Variants in PPM1G observed in about 807,000 individuals in gnomAD.
PPM1G encodes the protein protein phosphatase, Mg2+/Mn2+ dependent 1G.
PPM1G carries 12 observed loss-of-function variants against 59.4 expected under a neutral mutation model. The ratio of observed to expected loss-of-function variants is 0.20; its 90% CI spans 0.13 to 0.33. The LOEUF (loss-of-function observed/expected upper bound fraction) is 0.33. Ranked by LOEUF, PPM1G falls within the 10% of genes least tolerant of loss-of-function variation. The pLI is 1.00. For synonymous variants in PPM1G, 245 were observed against 251.9 expected (o/e 0.97, Z 0.26); for missense variants, 392 against 681.3 (o/e 0.58, Z 4.73).
intron 1 of PPM1G, among the ~76,000 whole-genome samples, chr2:27,398,562 G>A (rs1005647357): frequency 3.3e-5 from 5 of 152,178 alleles, no homozygotes; most frequent in African/African-American, 7.2e-5. Context: ...GGTGGCTCAC[G>A]TCTGTAATCC....
rs967961347 is a variant in PPM1G at position 27,409,449 on chromosome 2, T to C, written c.-27A>G. ...GCGGCGGCTGGCCGGCGGCCTCAGGTGCAGGAAAGCTGGGCGCGACCCGTG... is the reference window on the plus strand; with the variant it reads ...GCGGCGGCTGGCCGGCGGCCTCAGGCGCAGGAAAGCTGGGCGCGACCCGTG... On this transcript the variant is annotated 5_prime_UTR_variant, in exon 1 of 10. Coordinates refer to ENST00000344034, the MANE Select transcript of PPM1G (RefSeq NM_177983.3). 2 of 1,488,942 alleles carry C rather than the reference T, an allele frequency of 1.3e-6. No individual in the cohort carries two copies. The highest frequency in any genetic ancestry group is 2.4e-5 in the Admixed American group (1 of 42,356). 92.2% of individuals were successfully genotyped at this position (1,488,942 alleles called of 1,614,324 possible). A position where few individuals can be genotyped will look rare whatever the true frequency, so the allele number is the denominator to read the frequency against.
intron 1 of PPM1G, chr2:27,392,951 G>A: frequency 6.7e-7 from 1 of 1,493,624 alleles, no homozygotes. Context: ...TCACACAAAT[G>A]GGGGTCATTT....
chr2:27,396,635 A>C (rs1237034525), intron 1 of PPM1G, among the ~76,000 whole-genome samples: 1 of 151,714 alleles, frequency 6.6e-6, no homozygotes, highest in Non-Finnish European at 1.5e-5. Flanking sequence ...GTCAACATGG[A>C]GAAACCCCGT....
chr2:27,403,067 C>T (rs1415260485), intron 1 of PPM1G, among the ~76,000 whole-genome samples: 3 of 151,872 alleles, frequency 2.0e-5, no homozygotes, highest in Non-Finnish European at 2.9e-5. Context: ...GTGAAGGAAC[C>T]GGCACAAGAA....
chr2:27,387,058 G>T, intron 2 of PPM1G, 31 bp downstream of exon 2: 1 of 1,556,254 alleles, frequency 6.4e-7, no homozygotes, highest in Non-Finnish European at 8.9e-7. Flanking sequence ...TGGGGTCCTA[G>T]AATGTTACCA....
chr2:27,405,559 G>C (rs1171709456), intron 1 of PPM1G, among the ~76,000 whole-genome samples: 6 of 151,360 alleles, frequency 4.0e-5, no homozygotes, highest in Admixed American at 2.6e-4. Flanking sequence ...CTGGCCTCTG[G>C]CTAATTTTTG....
Position 27,383,581 on chromosome 2 carries a change from G to A in PPM1G, c.986C>T (p.Thr329Ile). The change falls in exon 7 of 10, where the codon ACA becomes ATA. Residue 329 changes from threonine to isoleucine, a missense_variant. Coordinates refer to ENST00000344034, the MANE Select transcript of PPM1G (RefSeq NM_177983.3). The surrounding 1 kb of genome is among the most constrained non-coding windows in gnomAD (Gnocchi z 5.0). ...TCGTATCAGGGCCACCACCGCTGTT[G>A]TACCACTGTCAGAGCCAGGCTTAAG... ...GKEEPGSDSG[T>I]TAVVALIRGK... The A allele has an allele frequency of 6.2e-7, 1 of 1,613,626 alleles. No individual in the cohort carries two copies. Among genetic ancestry groups the A allele is most frequent in the Non-Finnish European group, 8.5e-7 (1 of 1,179,768 alleles).
At chr2:27,389,229 T>A (rs1350082142) in intron 1 of PPM1G, among the ~76,000 whole-genome samples, 2 of 152,178 alleles carry the variant, frequency 1.3e-5, no homozygotes, top group Non-Finnish European at 2.9e-5. Flanking sequence ...TGGAATTTGC[T>A]ACATAAAAAT....
chr2:27,382,951 G>A lies in PPM1G; in HGVS notation c.1202-346C>T, dbSNP rs1683673586. On this transcript the variant is annotated intron_variant, in intron 7 of 9. Transcript: ENST00000344034. The surrounding 1 kb of genome is among the most constrained non-coding windows in gnomAD (Gnocchi z 4.2). ...AGCGGTTCTCCTGCCTCAGCCTCCTGAGTAGCTGGGATTACAGGCTTGCAC... is the reference window on the plus strand; with the variant it reads ...AGCGGTTCTCCTGCCTCAGCCTCCTAAGTAGCTGGGATTACAGGCTTGCAC... 6.6e-6 allele frequency among the ~76,000 whole-genome samples: 1 copy of A among 150,720 alleles called. No homozygotes were observed. Among genetic ancestry groups the A allele is most frequent in the African/African-American group, 2.4e-5 (1 of 40,950 alleles).
rs572664303 is a variant in PPM1G at position 27,387,261 on chromosome 2, A to G, written c.121-103T>C. 6 of 852,762 alleles carry G rather than the reference A, an allele frequency of 7.0e-6. 1 individual carries two copies. In the East Asian group the frequency reaches 1.5e-4, roughly 22 times the overall value. 52.8% of individuals were successfully genotyped at this position (852,762 alleles called of 1,614,324 possible). On this transcript the variant is annotated intron_variant, in intron 1 of 9. Coordinates refer to ENST00000344034, the MANE Select transcript of PPM1G (RefSeq NM_177983.3). The stretch of plus-strand genomic sequence containing the variant: ...TTACTAACCTTTCCCTGGCTGGCCT[A>G]TATGGCCTAGAAATAAGAAAGGAAG...
chr2:27,405,827 AC>A (rs1267388307), intron 1 of PPM1G, among the ~76,000 whole-genome samples: 1 of 151,368 alleles, frequency 6.6e-6, no homozygotes, highest in African/African-American at 2.4e-5. Flanking sequence ...ACATGGAGAG[AC>A]CCCCATCTCT....
intron 9 of PPM1G, 139 bp downstream of exon 9, chr2:27,381,987 G>A (rs1683642817): frequency 1.9e-6 from 2 of 1,036,558 alleles, no homozygotes; most frequent in Non-Finnish European, 2.9e-6. Flanking sequence ...AATGACAGAA[G>A]GTGGAACTTT....
chr2:27,381,838 G>T, intron 9 of PPM1G, 33 bp from the exon 10 acceptor site: 3 of 1,601,162 alleles, frequency 1.9e-6, no homozygotes, highest in South Asian at 1.1e-5. Context: ...TCAGCCACAG[G>T]GTTTGAACAC....
intron 1 of PPM1G, among the ~76,000 whole-genome samples, chr2:27,405,266 T>C (rs1663327151): frequency 6.6e-6 from 1 of 151,570 alleles, no homozygotes; most frequent in African/African-American, 2.4e-5. Context: ...AGAGACAGGG[T>C]TTCACCATAT....
At chr2:27,399,950 C>CAAAAAAAAAAAAAAAA (rs56786173) in intron 1 of PPM1G, among the ~76,000 whole-genome samples, 1 of 107,142 alleles carries the variant, frequency 9.3e-6, no homozygotes, top group Non-Finnish European at 1.9e-5. Flanking sequence ...TTTATAATAG[C>CAAAAAAAAAAAAAAAA]AAAAAAAAAA....
intron 1 of PPM1G, among the ~76,000 whole-genome samples, chr2:27,392,146 T>C (rs1183187583): frequency 6.6e-6 from 1 of 151,864 alleles, no homozygotes; most frequent in Non-Finnish European, 1.5e-5. Flanking sequence ...GTAAATGGAA[T>C]CTTAACTCTC....
intron 1 of PPM1G, among the ~76,000 whole-genome samples, chr2:27,405,671 G>A (rs1366228961): frequency 6.6e-6 from 1 of 151,922 alleles, no homozygotes; most frequent in Non-Finnish European, 1.5e-5. Context: ...TGGGATTACA[G>A]GCGTTAAGCC....
At chr2:27,393,275 G>C in intron 1 of PPM1G, 1 of 1,595,154 alleles carries the variant, frequency 6.3e-7, no homozygotes, top group Non-Finnish European at 8.5e-7. Flanking sequence ...AAATGGAGGA[G>C]GCGTAGAGCT....
At position 27,386,269 on chromosome 2, in the gene PPM1G, A is replaced by C; in HGVS notation, c.201T>G (p.Val67=). 1 of 1,612,210 alleles carries C rather than the reference A, an allele frequency of 6.2e-7. No individual in the cohort carries two copies. Among genetic ancestry groups the C allele is most frequent in the East Asian group, 2.2e-5 (1 of 44,834 alleles). The part of the protein sequence containing the change: ...SVYDGHGGEE[V]ALYCAKYLPD... ...GAAGATATTTGGCACAGTACAAGGC[A>C]ACTTCCTCCCCTAGAAGGAAAGGAA... is the stretch of plus-strand genomic sequence containing the variant. The change falls in exon 3 of 10, where the codon GTT becomes GTG. Residue 67 remains valine, a synonymous_variant. Coordinates refer to ENST00000344034, the MANE Select transcript of PPM1G (RefSeq NM_177983.3).
Sources: allele counts gnomAD v4.1 joint callset (sites outside exome capture counted in the v4.1 genomes callset), GRCh38; gene constraint gnomAD v4.1.1; non-coding constraint Gnocchi (gnomAD v3.1); transcripts MANE v1.5; gene names NCBI Gene and HGNC (gene_info 2026-07-23, HGNC 2026-07-21).